SOX5: variants seen among roughly 807,000 people sequenced by gnomAD.
SOX5 encodes the protein transcription factor SOX-5.
In SOX5, 9 loss-of-function variants were observed where a neutral mutation model predicts 92.0. The observed-to-expected ratio is 0.10, with a 90% CI of 0.06 to 0.17. SOX5 has a LOEUF of 0.17. SOX5 is among the 10% of genes least tolerant of loss of function. SOX5 has a pLI of 1.00. For missense variants in SOX5, 642 were observed against 944.5 expected, an observed-to-expected ratio of 0.68 and a Z score of 4.20; for synonymous variants, 344 against 336.3, an observed-to-expected ratio of 1.02 and a Z score of -0.25.
intron 4 of SOX5, among the ~76,000 whole-genome samples, chr12:24,075,484 T>TA (rs907333982): frequency 7.2e-5 from 11 of 152,126 alleles, no homozygotes; most frequent in Non-Finnish European, 1.6e-4. Flanking sequence ...AGGAAAAATG[T>TA]AAAAAAATAT....
At chr12:23,951,539 A>G (rs1415821265), upstream of SOX5, among the ~76,000 whole-genome samples, 3 of 152,170 alleles carry the variant, frequency 2.0e-5, no homozygotes, top group African/African-American at 2.4e-5. Flanking sequence ...AAAATCAATT[A>G]TGAACTTATA....
At chr12:24,278,014 G>A (rs983644904) in intron 2 of SOX5, among the ~76,000 whole-genome samples, 6 of 152,068 alleles carry the variant, frequency 3.9e-5, no homozygotes, top group Middle Eastern at 3.4e-3. Context: ...AACAAAAATC[G>A]GCCCTGACAA....
chr12:24,263,211 CA>C (rs1942440429), intron 3 of SOX5, among the ~76,000 whole-genome samples: 1 of 151,834 alleles, frequency 6.6e-6, no homozygotes, highest in Admixed American at 6.6e-5. Context: ...GCTGACAGAG[CA>C]AGACTCCATC....
intron 3 of SOX5, among the ~76,000 whole-genome samples, chr12:23,814,542 A>G (rs1310726908): frequency 6.6e-6 from 1 of 152,212 alleles, no homozygotes; most frequent in Non-Finnish European, 1.5e-5. Context: ...GATCTTCTAC[A>G]AAACAATTTT....
In SOX5 at chr12:24,300,033, G is replaced by GA. The variant is rs1268236576; in HGVS notation, c.-173-22722dup. Reference sequence around the variant, plus strand: ...AGCTTTTCCTTAGGAACTTCAACAAGAAAAAAACAATTCAAGAATTTAGGG... The same window carrying GA: ...AGCTTTTCCTTAGGAACTTCAACAAGAAAAAAAACAATTCAAGAATTTAGGG... On this transcript the variant is annotated intron_variant, in intron 2 of 4. Transcript: ENST00000446891. 3.9e-5 allele frequency among the ~76,000 whole-genome samples: 6 copies of GA among 151,962 alleles called. No individual in the cohort carries two copies. The South Asian group carries it at 8.3e-4, about 21-fold the overall frequency.
At chr12:23,542,903 A>G (rs1942394614) in intron 13 of SOX5, among the ~76,000 whole-genome samples, 3 of 152,206 alleles carry the variant, frequency 2.0e-5, no homozygotes, top group Admixed American at 6.5e-5. Flanking sequence ...AGCAATATCT[A>G]GTGGCTCATG....
chr12:23,555,574 C>A (rs1419577596), intron 11 of SOX5, among the ~76,000 whole-genome samples: 2 of 151,860 alleles, frequency 1.3e-5, no homozygotes, highest in Admixed American at 6.6e-5. Flanking sequence ...CAAGTAGTGG[C>A]ACTGTGACAA....
intron 4 of SOX5, among the ~76,000 whole-genome samples, chr12:23,741,928 T>C (rs1378252461): frequency 6.6e-6 from 1 of 152,186 alleles, no homozygotes; most frequent in Non-Finnish European, 1.5e-5. Flanking sequence ...AAGAGAAGTA[T>C]GTGCTGTTCA....
chr12:24,181,155 A>G (rs116459289), intron 4 of SOX5, among the ~76,000 whole-genome samples: 6 of 152,346 alleles, frequency 3.9e-5, no homozygotes, highest in African/African-American at 4.8e-5. Context: ...GGTCTCAACT[A>G]TAAGGCTTAC....
At chr12:24,252,944 G>A (rs958534138) in intron 3 of SOX5, among the ~76,000 whole-genome samples, 2 of 152,098 alleles carry the variant, frequency 1.3e-5, no homozygotes, top group Non-Finnish European at 2.9e-5. Context: ...AATCGATACA[G>A]CAAAAACAAA....
chr12:23,926,150 A>G (rs1939868696), intron 1 of SOX5, among the ~76,000 whole-genome samples: 1 of 152,096 alleles, frequency 6.6e-6, no homozygotes, highest in African/African-American at 2.4e-5. Context: ...AATTAGTTGA[A>G]TCTGTAGATG....
In SOX5 at chr12:24,418,952, T is replaced by C. The variant is rs544013237; in HGVS notation, c.-250-50313A>G. On this transcript the variant is annotated intron_variant, in intron 1 of 4. Transcript: ENST00000446891. The stretch of plus-strand genomic sequence containing the variant: ...AGTAGAACATCATTCTCTGAAAAAA[T>C]GGAGTAGTTGTCAGAGTTACCTAGA... 9.3e-4 allele frequency among the ~76,000 whole-genome samples: 141 copies of C among 152,118 alleles called. 3 individuals are homozygous for C. In the South Asian group the frequency reaches 0.028, roughly 30 times the overall value.
intron 4 of SOX5, among the ~76,000 whole-genome samples, chr12:23,965,255 T>C (rs961876100): frequency 6.6e-6 from 1 of 152,224 alleles, no homozygotes; most frequent in Non-Finnish European, 1.5e-5. Context: ...AGGGCATATG[T>C]AGTGGCCTGA....
chr12:23,798,780 A>G (rs2142101685), intron 3 of SOX5, among the ~76,000 whole-genome samples: 1 of 152,114 alleles, frequency 6.6e-6, no homozygotes, highest in South Asian at 2.1e-4. Flanking sequence ...AGATTACTAA[A>G]GTAATATAGA....
At chr12:24,082,701 A>T (rs890686409) in intron 4 of SOX5, among the ~76,000 whole-genome samples, 2 of 151,814 alleles carry the variant, frequency 1.3e-5, no homozygotes, top group African/African-American at 4.8e-5. Context: ...CAAAATGTAG[A>T]TAACTCACCT....
At chr12:23,691,174 G>A (rs958189336) in intron 6 of SOX5, among the ~76,000 whole-genome samples, 2 of 152,198 alleles carry the variant, frequency 1.3e-5, no homozygotes, top group Admixed American at 1.3e-4. Context: ...AGGCCAGATA[G>A]AAGGGTACTG....
At chr12:24,397,527 C>A (rs766806673) in intron 1 of SOX5, among the ~76,000 whole-genome samples, 1 of 151,928 alleles carries the variant, frequency 6.6e-6, no homozygotes, top group Non-Finnish European at 1.5e-5. Flanking sequence ...TAAAAGTGAC[C>A]CTTACCTTTA....
At chr12:23,559,240 T>C (rs961829212) in intron 11 of SOX5, among the ~76,000 whole-genome samples, 1 of 152,178 alleles carries the variant, frequency 6.6e-6, no homozygotes, top group African/African-American at 2.4e-5. Context: ...GTGTGTTTTT[T>C]ACAAAACAAA....
At chr12:23,661,895 T>C (rs2083097626) in intron 7 of SOX5, among the ~76,000 whole-genome samples, 1 of 152,170 alleles carries the variant, frequency 6.6e-6, no homozygotes, top group African/African-American at 2.4e-5. Context: ...AAATGAGCTA[T>C]TATCCACAAA....
Sources: allele counts gnomAD v4.1 joint callset (sites outside exome capture counted in the v4.1 genomes callset), GRCh38; gene constraint gnomAD v4.1.1; transcripts MANE v1.5; gene names NCBI Gene and HGNC (gene_info 2026-07-23, HGNC 2026-07-21).